Variants in PDE4D observed in about 807,000 individuals in gnomAD.
The protein encoded by PDE4D is 3',5'-cyclic-AMP phosphodiesterase 4D.
A neutral mutation model predicts 87.4 loss-of-function variants in PDE4D; 24 were observed. The observed-to-expected ratio is 0.27, with a 90% CI of 0.20 to 0.39. The LOEUF is 0.39. Among genes scored for constraint, PDE4D ranks in the 10% least tolerant of loss-of-function variants. The pLI is 1.00. For synonymous variants in PDE4D, 384 were observed against 383.2 expected (o/e 1.00, Z -0.02); for missense variants, 714 against 1,041.0 (o/e 0.69, Z 4.32).
Position 60,066,604 on chromosome 5 carries a change from CAT to C in PDE4D, c.43-77889_43-77888del, listed in dbSNP as rs558126057. On this transcript the variant is annotated intron_variant, in intron 2 of 16. Coordinates refer to the PDE4D transcript ENST00000502484. ...TCCTAAAGCAAATTATCATCATCATCATCATCATCATCATCATCATCATCTCA... is the reference window on the plus strand; with the variant it reads ...TCCTAAAGCAAATTATCATCATCATCCATCATCATCATCATCATCATCTCA... 2.0e-3 allele frequency among the ~76,000 whole-genome samples: 304 copies of C among 149,798 alleles called. 1 individual carries two copies. Among genetic ancestry groups the C allele is most frequent in the African/African-American group, 7.4e-3 (295 of 40,062 alleles).
intron 1 of PDE4D, among the ~76,000 whole-genome samples, chr5:59,527,886 T>C (rs957020183): frequency 6.6e-6 from 1 of 152,220 alleles, no homozygotes; most frequent in African/African-American, 2.4e-5. Flanking sequence ...CTTACTTTCA[T>C]CTGAACCATT....
chr5:59,839,468 A>AT (rs1742654834), intron 1 of PDE4D, among the ~76,000 whole-genome samples: 1 of 150,750 alleles, frequency 6.6e-6, no homozygotes, highest in East Asian at 2.0e-4. Context: ...GTTGTACTTC[A>AT]TTTTTTTCCT....
At chr5:60,491,162 C>G (rs1749511062), upstream of PDE4D, 1 of 152,036 alleles carries the variant, frequency 6.6e-6, no homozygotes, top group Non-Finnish European at 1.5e-5. Flanking sequence ...ATAGTGTAAA[C>G]TGAAAGAAAA....
At chr5:59,573,924 G>C (rs1431936926) in intron 1 of PDE4D, among the ~76,000 whole-genome samples, 19 of 146,874 alleles carry the variant, frequency 1.3e-4, no homozygotes, top group African/African-American at 4.9e-4. Flanking sequence ...CTTGAAACTG[G>C]GAGGCAGAGG....
At chr5:59,888,174 G>A (rs894949484) in intron 1 of PDE4D, among the ~76,000 whole-genome samples, 1 of 152,162 alleles carries the variant, frequency 6.6e-6, no homozygotes, top group African/African-American at 2.4e-5. Flanking sequence ...TCATGCTACT[G>A]CTCCACATGT....
At chr5:59,330,461 G>A (rs1776519128) in intron 1 of PDE4D, among the ~76,000 whole-genome samples, 2 of 152,190 alleles carry the variant, frequency 1.3e-5, no homozygotes, top group African/African-American at 2.4e-5. Context: ...AAGGGTAAAA[G>A]TCTTCATGCT....
At chr5:59,969,658 T>C (rs1465712357) in intron 3 of PDE4D, among the ~76,000 whole-genome samples, 2 of 152,166 alleles carry the variant, frequency 1.3e-5, no homozygotes, top group African/African-American at 2.4e-5. Flanking sequence ...TAGAAGGTAA[T>C]TGAACCATGG....
intron 5 of PDE4D, among the ~76,000 whole-genome samples, chr5:59,120,249 C>T (rs1180264069): frequency 1.3e-5 from 2 of 152,166 alleles, no homozygotes; most frequent in African/African-American, 4.8e-5. Flanking sequence ...CACCAGAACA[C>T]TTTTTATAAA....
chr5:59,510,926 A>G (rs1304944984), intron 1 of PDE4D, among the ~76,000 whole-genome samples: 1 of 151,952 alleles, frequency 6.6e-6, no homozygotes, highest in Non-Finnish European at 1.5e-5. Context: ...CTTAAATCCA[A>G]GTACCGGTGA....
intron 2 of PDE4D, among the ~76,000 whole-genome samples, chr5:60,046,579 A>G (rs1202694341): frequency 7.2e-5 from 11 of 152,048 alleles, no homozygotes; most frequent in Non-Finnish European, 1.3e-4. Flanking sequence ...AGCATGAAGC[A>G]TTGTTGAATT....
intron 1 of PDE4D, among the ~76,000 whole-genome samples, chr5:59,500,720 G>C (rs1346784254): frequency 6.6e-6 from 1 of 152,060 alleles, no homozygotes; most frequent in Non-Finnish European, 1.5e-5. Context: ...ATTTACCCAT[G>C]TAACAAGCCT....
intron 5 of PDE4D, among the ~76,000 whole-genome samples, chr5:59,105,307 C>A (rs1202734515): frequency 6.6e-6 from 1 of 152,122 alleles, no homozygotes; most frequent in African/African-American, 2.4e-5. Context: ...ATTATCATTG[C>A]CTTTTCTAAT....
chr5:59,196,964 G>A (rs1164588315), intron 2 of PDE4D, among the ~76,000 whole-genome samples: 1 of 152,058 alleles, frequency 6.6e-6, no homozygotes, highest in Non-Finnish European at 1.5e-5. Context: ...ATGGATGAGA[G>A]GCAGTTCAGA....
chr5:59,444,743 C>T (rs1411837898), intron 1 of PDE4D, among the ~76,000 whole-genome samples: 6 of 152,002 alleles, frequency 3.9e-5, no homozygotes, highest in African/African-American at 1.5e-4. Flanking sequence ...ACCTGGGAGG[C>T]GGAGCTTGCA....
At chr5:59,010,699 C>A (rs1193189391) in intron 6 of PDE4D, among the ~76,000 whole-genome samples, 1 of 152,002 alleles carries the variant, frequency 6.6e-6, no homozygotes, top group African/African-American at 2.4e-5. Flanking sequence ...TCCAAGATGG[C>A]CAAATAGGAA....
chr5:59,310,233 C>T (rs1000484081), intron 1 of PDE4D, among the ~76,000 whole-genome samples: 1 of 152,080 alleles, frequency 6.6e-6, no homozygotes, highest in South Asian at 2.1e-4. Context: ...AAGTCTACAC[C>T]CTATTATGCT....
chr5:59,063,002 T>C (rs1045427256), intron 5 of PDE4D: 6 of 152,146 alleles, frequency 3.9e-5, no homozygotes, highest in African/African-American at 1.4e-4. Context: ...TTTTAGATAA[T>C]GATTTGACTT....
At chr5:58,984,092 T>TGACAGCATGC (rs1745865623) in intron 11 of PDE4D, among the ~76,000 whole-genome samples, 1 of 151,982 alleles carries the variant, frequency 6.6e-6, no homozygotes, top group Non-Finnish European at 1.5e-5. Flanking sequence ...AGTTAGAAAA[T>TGACAGCATGC]GACAGCATGC....
At chr5:59,162,358 G>C (rs974558174) in intron 5 of PDE4D, among the ~76,000 whole-genome samples, 1 of 152,006 alleles carries the variant, frequency 6.6e-6, no homozygotes, top group Admixed American at 6.6e-5. Context: ...TAATTAGAGA[G>C]TTACCAGTTC....
Sources: gnomAD v4.1 joint callset for allele counts (sites outside exome capture counted in the v4.1 genomes callset) on GRCh38, gnomAD v4.1.1 for gene constraint, MANE v1.5 for transcripts, NCBI Gene and HGNC (gene_info 2026-07-23, HGNC 2026-07-21) for gene names.